The following PPFIBP2 variants were observed in gnomAD, a reference collection of about 807,000 sequenced individuals.
The protein encoded by PPFIBP2 is PPFIB scaffold protein 2.
In PPFIBP2, 118 loss-of-function variants were observed where a neutral mutation model predicts 118.3. That is an observed-to-expected ratio of 1.00 (90% confidence interval 0.86 to 1.16). The LOEUF is 1.16. Ranked by LOEUF, PPFIBP2 falls within the 50% of genes most tolerant of loss-of-function variation. PPFIBP2 has a pLI of 0.00. For synonymous variants in PPFIBP2, 414 were observed against 397.4 expected (o/e 1.04, Z -0.50); for missense variants, 1,195 against 1,073.1 (o/e 1.11, Z -1.59).
At chr11:7,582,057 C>T (rs1174956108) in intron 3 of PPFIBP2, among the ~76,000 whole-genome samples, 1 of 152,140 alleles carries the variant, frequency 6.6e-6, no homozygotes, top group Non-Finnish European at 1.5e-5. Context: ...AGTCTGGTCT[C>T]GAACTCCTGA....
the PPFIBP2 span, among the ~76,000 whole-genome samples, chr11:7,663,833 C>T: frequency 7.4e-4 from 112 of 152,248 alleles, no homozygotes; most frequent in African/African-American, 2.4e-3. Flanking sequence ...CAGCCAGGTG[C>T]GGGATATAAT....
chr11:7,553,042 G>A (rs1163397851), intron 2 of PPFIBP2, among the ~76,000 whole-genome samples: 1 of 152,004 alleles, frequency 6.6e-6, no homozygotes, highest in African/African-American at 2.4e-5. Flanking sequence ...TAGTTAATAA[G>A]CATTTAATAC....
rs1554992407 is a variant in PPFIBP2, at chr11:7,648,292, T to TCTTTC, written c.1647-95_1647-94insCTTTC. ...TTAAAAAACAGGTTTTTTGTTTTGT[T>TCTTTC]TTTTCTTTTCTTTTCTTTTGTTTGT... On this transcript the variant is annotated intron_variant, in intron 17 of 23. Coordinates refer to ENST00000299492, the MANE Select transcript of PPFIBP2 (RefSeq NM_003621.5). 401 of 1,411,102 alleles carry TCTTTC rather than the reference T, an allele frequency of 2.8e-4. 3 individuals carry two copies. The African/African-American group carries it at 5.1e-3, about 18-fold the overall frequency. The allele number at this position is 1,411,102 out of a possible 1,614,324, so 87.4% of individuals were successfully genotyped here. A position where few individuals can be genotyped will look rare whatever the true frequency, so the allele number is the denominator to read the frequency against.
chr11:7,521,698 C>T (rs887664028), intron 1 of PPFIBP2, among the ~76,000 whole-genome samples: 6 of 152,338 alleles, frequency 3.9e-5, no homozygotes, highest in African/African-American at 7.2e-5. Flanking sequence ...AGCTCTTGTG[C>T]GTGGCCCCAC....
chr11:7,567,238 A>T (rs1310265286), intron 3 of PPFIBP2, among the ~76,000 whole-genome samples: 1 of 152,240 alleles, frequency 6.6e-6, no homozygotes, highest in African/African-American at 2.4e-5. Flanking sequence ...TTTTATGGTT[A>T]ACTCCAATCC....
At chr11:7,632,514 A>G in intron 11 of PPFIBP2, 1 of 169,992 alleles carries the variant, frequency 5.9e-6, no homozygotes, top group Non-Finnish European at 1.3e-5. Context: ...ATGTTTTTAA[A>G]AGAGTCTGCA....
At chr11:7,618,606 G>T (rs1406395047) in intron 6 of PPFIBP2, among the ~76,000 whole-genome samples, 1 of 152,224 alleles carries the variant, frequency 6.6e-6, no homozygotes, top group Non-Finnish European at 1.5e-5. Context: ...GAATGATTCT[G>T]GGTCTGCTGC....
chr11:7,665,686 C>A, the PPFIBP2 span: 1 of 1,139,816 alleles, frequency 8.8e-7, no homozygotes, highest in Admixed American at 2.7e-5. Flanking sequence ...ACTACTGCTC[C>A]CTGCAAAAAG....
intron 3 of PPFIBP2, among the ~76,000 whole-genome samples, chr11:7,580,546 G>A (rs1857116377): frequency 6.6e-6 from 1 of 152,148 alleles, no homozygotes; most frequent in Non-Finnish European, 1.5e-5. Flanking sequence ...GAGCTGGAGG[G>A]GAAATATTTG....
At chr11:7,535,625 G>A (rs1319340312) in intron 1 of PPFIBP2, among the ~76,000 whole-genome samples, 1 of 152,216 alleles carries the variant, frequency 6.6e-6, no homozygotes, top group African/African-American at 2.4e-5. Flanking sequence ...GTAGAAGTGA[G>A]TGTTTAATAA....
rs1273485947 is a variant in PPFIBP2, at chr11:7,651,689, G to A, written c.2281G>A (p.Ala761Thr). 5 of 1,613,106 alleles carry A rather than the reference G, an allele frequency of 3.1e-6. No individual in the cohort carries two copies. The highest frequency in any genetic ancestry group is 1.7e-5 in the Admixed American group (1 of 59,982). The change falls in exon 23 of 24, where the codon GCT becomes ACT. Residue 761 changes from alanine to threonine, a missense_variant. Ala to Thr is a moderately conservative substitution (Grantham distance 58, BLOSUM62 0). Transcript: ENST00000299492. ...GCCACGCTTCACTGGGGACACCCTG[G>A]CTATGCTTCTCAACATCCCCCCACA... Reference protein sequence around the residue: ...LEPRFTGDTLAMLLNIPPQKT... With the variant: ...LEPRFTGDTLTMLLNIPPQKT...
chr11:7,578,903 A>G (rs1856841736), intron 3 of PPFIBP2, among the ~76,000 whole-genome samples: 1 of 152,150 alleles, frequency 6.6e-6, no homozygotes, highest in Non-Finnish European at 1.5e-5. Flanking sequence ...GAGAGAGCCC[A>G]TGTGGCTGAG....
chr11:7,645,721 G>C (rs934149810), intron 17 of PPFIBP2, among the ~76,000 whole-genome samples: 1 of 152,176 alleles, frequency 6.6e-6, no homozygotes, highest in Admixed American at 6.5e-5. Context: ...ATGATGCCCA[G>C]AGCTCTAGGT....
intron 5 of PPFIBP2, among the ~76,000 whole-genome samples, chr11:7,608,483 A>G (rs1257618015): frequency 1.4e-5 from 2 of 139,404 alleles, no homozygotes; most frequent in Non-Finnish European, 2.9e-5. Context: ...TCTACTAAAA[A>G]TACAAAATCC....
intron 5 of PPFIBP2, among the ~76,000 whole-genome samples, chr11:7,600,911 T>A (rs1590493717): frequency 1.3e-5 from 2 of 152,204 alleles, no homozygotes; most frequent in South Asian, 4.1e-4. Context: ...GCTGTGTGAA[T>A]CATACAGTAC....
chr11:7,667,169 G>A, the PPFIBP2 span: 1 of 152,206 alleles, frequency 6.6e-6, no homozygotes, highest in Non-Finnish European at 1.5e-5. Flanking sequence ...TAATCTAAAA[G>A]TAATCAAGCG....
Position 7,650,837 on chromosome 11 carries a change from CAG to C in PPFIBP2, c.2122_2123del, listed in dbSNP as rs1011548479. Reference sequence around the variant, plus strand: ...TTCCTCACTCTCCTTCTCCCTCTGACAGAGTAACCTTTCTCCTTCAGAAGTTG... The same window carrying C: ...TTCCTCACTCTCCTTCTCCCTCTGACAGTAACCTTTCTCCTTCAGAAGTTG... On this transcript the variant is annotated splice_acceptor_variant, in intron 21 of 23. Transcript: ENST00000299492. LOFTEE classifies it high-confidence loss of function. 1.9e-6 allele frequency: 3 copies of C among 1,613,446 alleles called. No homozygotes were observed. In the African/African-American group the frequency reaches 4.0e-5, roughly 22 times the overall value.
At chr11:7,569,251 C>T (rs1855379401) in intron 3 of PPFIBP2, among the ~76,000 whole-genome samples, 1 of 152,230 alleles carries the variant, frequency 6.6e-6, no homozygotes, top group Admixed American at 6.5e-5. Flanking sequence ...TAAAGCACAG[C>T]TGGGCCAGCA....
chr11:7,641,169 C>A (rs548380677), intron 15 of PPFIBP2: 3 of 997,188 alleles, frequency 3.0e-6, no homozygotes, highest in East Asian at 9.9e-5. Flanking sequence ...CTACTGCCTG[C>A]GTTCCTGCAT....
Sources: gnomAD v4.1 joint callset for allele counts (sites outside exome capture counted in the v4.1 genomes callset) on GRCh38, gnomAD v4.1.1 for gene constraint, MANE v1.5 for transcripts, NCBI Gene and HGNC (gene_info 2026-07-23, HGNC 2026-07-21) for gene names.